AUTS2: variants seen among roughly 807,000 people sequenced by gnomAD.
AUTS2 encodes activator of transcription and developmental regulator AUTS2.
AUTS2 carries 17 observed loss-of-function variants against 112.4 expected under a neutral mutation model. The observed-to-expected ratio is 0.15, with a 90% CI of 0.10 to 0.23. The LOEUF (loss-of-function observed/expected upper bound fraction) is 0.23. Among genes scored for constraint, AUTS2 ranks in the 10% least tolerant of loss-of-function variants. The pLI is 1.00. For synonymous variants in AUTS2, 751 were observed against 702.7 expected (o/e 1.07, Z -1.09); for missense variants, 1,510 against 1,701.6 (o/e 0.89, Z 1.98).
At chr7:70,698,543 C>CT (rs753506410) in intron 5 of AUTS2, 26 bp from the exon 6 acceptor site, 181 of 1,586,416 alleles carry the variant, frequency 1.1e-4, no homozygotes, top group Non-Finnish European at 1.5e-4. Context: ...AATAATAATG[C>CT]TTTTTTCCCC....
chr7:69,973,247 A>G (rs1399934000), intron 2 of AUTS2, among the ~76,000 whole-genome samples: 3 of 152,224 alleles, frequency 2.0e-5, no homozygotes, highest in Admixed American at 1.3e-4. Flanking sequence ...GTTAGTATAC[A>G]GAATACAACT....
chr7:70,267,808 C>T (rs1285993739), intron 4 of AUTS2, among the ~76,000 whole-genome samples: 1 of 152,128 alleles, frequency 6.6e-6, no homozygotes, highest in Non-Finnish European at 1.5e-5. Flanking sequence ...CTCCTTGCTG[C>T]CTGTTTTAAA....
intron 1 of AUTS2, among the ~76,000 whole-genome samples, chr7:69,675,384 C>T (rs1199673178): frequency 1.3e-5 from 2 of 151,746 alleles, no homozygotes; most frequent in Non-Finnish European, 2.9e-5. Flanking sequence ...ACTAGTGAAA[C>T]TTTTTAAGAT....
intron 1 of AUTS2, among the ~76,000 whole-genome samples, chr7:69,644,301 A>G (rs1794923983): frequency 6.6e-6 from 1 of 152,048 alleles, no homozygotes. Flanking sequence ...AGCTTTGGTC[A>G]TAACTATTTG....
chr7:69,813,536 T>G (rs1790636510), intron 1 of AUTS2, among the ~76,000 whole-genome samples: 1 of 152,170 alleles, frequency 6.6e-6, no homozygotes, highest in African/African-American at 2.4e-5. Context: ...TCTCTACTAG[T>G]TAAATGAGAT....
intron 6 of AUTS2, among the ~76,000 whole-genome samples, chr7:70,758,621 T>A (rs1302032766): frequency 6.6e-6 from 1 of 152,192 alleles, no homozygotes; most frequent in Non-Finnish European, 1.5e-5. Context: ...AGAGAGAGTT[T>A]TAAACCCCAA....
intron 3 of AUTS2, chr7:70,118,478 G>A: frequency 2.5e-6 from 1 of 396,070 alleles, no homozygotes; most frequent in Non-Finnish European, 4.2e-6. Flanking sequence ...GGAACTATTT[G>A]TTACCTTAGA....
Position 70,126,007 on chromosome 7 carries a change from G to A in AUTS2, c.624+7774G>A, listed in dbSNP as rs373111641. Among the ~76,000 whole-genome samples the A allele has an allele frequency of 2.4e-4, 36 of 152,272 alleles. No individual in the cohort carries two copies. In the East Asian group the frequency reaches 5.8e-3, roughly 24 times the overall value. On this transcript the variant is annotated intron_variant, in intron 3 of 18. Coordinates refer to ENST00000342771, the MANE Select transcript of AUTS2 (RefSeq NM_015570.4). ...CAGTTGAGACTTACTCTCAAGTGAGGCTAATCAAAATAGTATATTATTCTA... is the reference window on the plus strand; with the variant it reads ...CAGTTGAGACTTACTCTCAAGTGAGACTAATCAAAATAGTATATTATTCTA...
At chr7:70,163,284 G>A (rs1055248120) in intron 4 of AUTS2, among the ~76,000 whole-genome samples, 2 of 136,796 alleles carry the variant, frequency 1.5e-5, no homozygotes, top group African/African-American at 5.4e-5. Flanking sequence ...TAAGCCAGTA[G>A]AATGTTCCAA....
At chr7:70,484,281 T>C (rs999036851) in intron 5 of AUTS2, among the ~76,000 whole-genome samples, 2 of 152,236 alleles carry the variant, frequency 1.3e-5, no homozygotes, top group African/African-American at 2.4e-5. Context: ...CCTAGCAAAG[T>C]TGACTGGTTC....
At position 69,885,005 on chromosome 7, in the gene AUTS2, T is replaced by G. The variant is rs73168742; in HGVS notation, c.310-14281T>G. On this transcript the variant is annotated intron_variant, in intron 1 of 18. Coordinates refer to ENST00000342771, the MANE Select transcript of AUTS2 (RefSeq NM_015570.4). Reference sequence around the variant, plus strand: ...ATGCCAAGGGAAAGAAAATTCTGTCTGGATAAATCCTGAAATAGAAGACTG... The same window carrying G: ...ATGCCAAGGGAAAGAAAATTCTGTCGGGATAAATCCTGAAATAGAAGACTG... Among the ~76,000 whole-genome samples the G allele has an allele frequency of 4.2e-3, 639 of 152,290 alleles. 4 individuals carry two copies. The highest frequency in any genetic ancestry group is 5.8e-3 in the Non-Finnish European group (397 of 68,014).
chr7:70,601,039 C>T (rs1012462883), intron 5 of AUTS2, among the ~76,000 whole-genome samples: 1 of 152,130 alleles, frequency 6.6e-6, no homozygotes, highest in African/African-American at 2.4e-5. Context: ...GGGTCAATAC[C>T]TAGGAGTTGC....
At chr7:70,741,926 G>A (rs1390372131) in intron 6 of AUTS2, among the ~76,000 whole-genome samples, 3 of 152,168 alleles carry the variant, frequency 2.0e-5, no homozygotes, top group Admixed American at 6.5e-5. Flanking sequence ...GGATGCTTGA[G>A]GCTGTATGGT....
intron 6 of AUTS2, among the ~76,000 whole-genome samples, chr7:70,715,949 A>G (rs1810341389): frequency 6.6e-6 from 1 of 152,238 alleles, no homozygotes; most frequent in East Asian, 1.9e-4. Context: ...TTAAAATATA[A>G]TATCCTAAAA....
At chr7:70,315,186 C>T (rs891519800) in intron 4 of AUTS2, among the ~76,000 whole-genome samples, 2 of 152,226 alleles carry the variant, frequency 1.3e-5, no homozygotes, top group African/African-American at 4.8e-5. Context: ...TCTCTCATCC[C>T]ATGGACTGCC....
chr7:69,984,878 C>T (rs1355234438), intron 2 of AUTS2, among the ~76,000 whole-genome samples: 2 of 152,200 alleles, frequency 1.3e-5, no homozygotes, highest in Non-Finnish European at 2.9e-5. Context: ...CAACTTCTGT[C>T]ATGTGCCATT....
At chr7:70,347,512 C>T (rs1473445831) in intron 4 of AUTS2, among the ~76,000 whole-genome samples, 1 of 152,128 alleles carries the variant, frequency 6.6e-6, no homozygotes. Flanking sequence ...TCTGGCTTTT[C>T]TATTCTCTGC....
chr7:70,693,548 A>T (rs929085248), intron 5 of AUTS2, among the ~76,000 whole-genome samples: 2 of 152,222 alleles, frequency 1.3e-5, no homozygotes, highest in African/African-American at 2.4e-5. Flanking sequence ...GAAGGAGGTT[A>T]GGTGAAGACC....
At chr7:69,601,494 G>T (rs1792405561) in intron 1 of AUTS2, among the ~76,000 whole-genome samples, 1 of 151,974 alleles carries the variant, frequency 6.6e-6, no homozygotes. Flanking sequence ...AACTGCTTTT[G>T]GTTTGGGCTG....
Sources: gnomAD v4.1 joint callset for allele counts (sites outside exome capture counted in the v4.1 genomes callset) on GRCh38, gnomAD v4.1.1 for gene constraint, MANE v1.5 for transcripts, NCBI Gene and HGNC (gene_info 2026-07-23, HGNC 2026-07-21) for gene names.